Variants in PPP1R10 observed in about 807,000 individuals in gnomAD.
The protein encoded by PPP1R10 is serine/threonine-protein phosphatase 1 regulatory subunit 10.
A neutral mutation model predicts 99.0 loss-of-function variants in PPP1R10; 15 were observed. The observed-to-expected ratio is 0.15, with a 90% CI of 0.10 to 0.23. The LOEUF is 0.23. PPP1R10 is among the 10% of genes least tolerant of loss of function. The pLI is 1.00. For synonymous variants in PPP1R10, 430 were observed against 449.5 expected, an observed-to-expected ratio of 0.96 and a Z score of 0.55; for missense variants, 947 against 1,259.4, an observed-to-expected ratio of 0.75 and a Z score of 3.75.
At chr6:30,603,186 C>T in intron 17 of PPP1R10, 24 bp downstream of exon 17, 1 of 1,597,546 alleles carries the variant, frequency 6.3e-7, no homozygotes, top group Non-Finnish European at 8.6e-7. Context: ...CCCCCAGTCC[C>T]CTGGGGCTGG....
At position 30,609,949 on chromosome 6, in the gene PPP1R10, G is replaced by A. The variant is rs1338421906; in HGVS notation, c.-5C>T. 2 of 1,610,706 alleles carry A rather than the reference G, an allele frequency of 1.2e-6. No homozygotes were observed. Among genetic ancestry groups the A allele is most frequent in the African/African-American group, 2.7e-5 (2 of 74,964 alleles). ...GTCTATGGGACCCGAACCCATGATG[G>A]TGGTTTCTATGGTAAGAGGACAAAA... On this transcript the variant is annotated 5_prime_UTR_variant, in exon 3 of 20. Coordinates refer to ENST00000376511, the MANE Select transcript of PPP1R10 (RefSeq NM_002714.4). The surrounding 1 kb of genome is among the most constrained non-coding windows in gnomAD (Gnocchi z 4.5).
chr6:30,602,065 G>A lies in PPP1R10; in HGVS notation c.2584C>T (p.His862Tyr). 1.9e-6 allele frequency: 3 copies of A among 1,566,686 alleles called. No homozygotes were observed. Among genetic ancestry groups the A allele is most frequent in the East Asian group, 2.3e-5 (1 of 44,318 alleles). ...GHGGPHGHRP[H>Y]DVPGHRGHDH... Reference sequence around the variant, plus strand: ...TGGCCTCGGTGACCAGGGACATCATGAGGCCGGTGGCCATGGGGCCCCCCG... The same window carrying A: ...TGGCCTCGGTGACCAGGGACATCATAAGGCCGGTGGCCATGGGGCCCCCCG... Residue 862 changes from histidine (H) to tyrosine (Y), a missense_variant, in exon 19 of 20, where the codon CAT becomes TAT. Physicochemically the swap from His to Tyr is moderately conservative, Grantham distance 83. This residue lies in a region of PPP1R10 where 525 missense variants were observed against 578.8 expected (regional missense o/e 0.91). Transcript: ENST00000376511. This position sits in a 1 kb window ranked among gnomAD's most constrained non-coding sequence, Gnocchi z 6.7.
chr6:30,605,697 A>G (rs549381576), intron 10 of PPP1R10: 1 of 507,428 alleles, frequency 2.0e-6, no homozygotes, highest in Non-Finnish European at 3.5e-6. Flanking sequence ...CATCTCTACT[A>G]AAAATACAAA....
At position 30,609,816 on chromosome 6, in the gene PPP1R10, A is replaced by C. The variant is rs6901251; in HGVS notation, c.107+22T>G. The C allele has an allele frequency of 0.022, 34,044 of 1,581,922 alleles. 718 individuals carry two copies. The highest frequency in any genetic ancestry group is 0.11 in the African/African-American group (7,968 of 74,320). On this transcript the variant is annotated intron_variant, in intron 3 of 19. Coordinates refer to ENST00000376511, the MANE Select transcript of PPP1R10 (RefSeq NM_002714.4). This position sits in a 1 kb window ranked among gnomAD's most constrained non-coding sequence, Gnocchi z 4.5. The stretch of plus-strand genomic sequence containing the variant: ...ACAATATTCTCTACTCACAGTGAAT[A>C]CAAAAAGGGGTAAAGACTCACCTGA...
chr6:30,602,905 C>G lies in PPP1R10; in HGVS notation c.1898G>C (p.Gly633Ala), dbSNP rs770785535. ...CTGCATGCCCTTGGGGCCCCCAGGACCCCCTGGTGGGAAACCATTGGCTAT... is the reference window on the plus strand; with the variant it reads ...CTGCATGCCCTTGGGGCCCCCAGGAGCCCCTGGTGGGAAACCATTGGCTAT... ...GPIANGFPPG[G>A]PGGPKGMQHF... The change falls in exon 18 of 20, where the codon GGT (glycine) becomes GCT (alanine). Residue 633 changes from glycine (G) to alanine (A), a missense_variant. This residue lies in a region of PPP1R10 where 525 missense variants were observed against 578.8 expected (regional missense o/e 0.91). Transcript: ENST00000376511. The surrounding 1 kb of genome is among the most constrained non-coding windows in gnomAD (Gnocchi z 6.7). The G allele has an allele frequency of 2.0e-6, 3 of 1,532,442 alleles. No homozygotes were observed. Among genetic ancestry groups the G allele is most frequent in the Non-Finnish European group, 8.8e-7 (1 of 1,130,458 alleles). The allele number at this position is 1,532,442 out of a possible 1,614,324, so 94.9% of individuals were successfully genotyped here.
At chr6:30,608,459 G>A (rs1415651251) in intron 5 of PPP1R10, among the ~76,000 whole-genome samples, 1 of 152,004 alleles carries the variant, frequency 6.6e-6, no homozygotes, top group East Asian at 1.9e-4. Context: ...ATGCCACCAT[G>A]CCTGGCTAAT....
At chr6:30,603,342 A>G in intron 16 of PPP1R10, 57 bp from the exon 17 acceptor site, 2 of 1,582,008 alleles carry the variant, frequency 1.3e-6, no homozygotes, top group Non-Finnish European at 1.7e-6. Flanking sequence ...ACCATGGCGA[A>G]AGATAGCGCC....
chr6:30,615,295 T>C (rs1182826430), intron 2 of PPP1R10, among the ~76,000 whole-genome samples: 1 of 149,238 alleles, frequency 6.7e-6, no homozygotes, highest in East Asian at 1.9e-4. Flanking sequence ...CCTATTTTGA[T>C]CAGTAAGAGC....
In PPP1R10 at chr6:30,602,824, CA is replaced by C. The variant is rs1052188301; in HGVS notation, c.1957+21del. 8.4e-6 allele frequency: 13 copies of C among 1,549,428 alleles called. No individual in the cohort carries two copies. In the African/African-American group the frequency reaches 1.8e-4, roughly 21 times the overall value. On this transcript the variant is annotated intron_variant, in intron 18 of 19. Transcript: ENST00000376511. This position sits in a 1 kb window ranked among gnomAD's most constrained non-coding sequence, Gnocchi z 6.7. ...TGAAATTAAGCAGATAAGCCCATTCCAACCTTTTACTCACCACCTACCTGGC... is the reference window on the plus strand; with the variant it reads ...TGAAATTAAGCAGATAAGCCCATTCCACCTTTTACTCACCACCTACCTGGC...
chr6:30,608,189 T>C (rs1305887512), intron 5 of PPP1R10, among the ~76,000 whole-genome samples: 3 of 152,010 alleles, frequency 2.0e-5, no homozygotes, highest in African/African-American at 7.2e-5. Flanking sequence ...CAGAGTTTTA[T>C]CATTTTTGCC....
intron 10 of PPP1R10, among the ~76,000 whole-genome samples, chr6:30,605,424 A>C (rs1803827833): frequency 6.6e-6 from 1 of 152,148 alleles, no homozygotes; most frequent in East Asian, 1.9e-4. Context: ...TCTTATCTCT[A>C]AAATTACTCC....
At position 30,601,515 on chromosome 6, in the gene PPP1R10, C is replaced by CA; in HGVS notation, c.*33dup. On this transcript the variant is annotated 3_prime_UTR_variant, in exon 20 of 20. Coordinates refer to ENST00000376511, the MANE Select transcript of PPP1R10 (RefSeq NM_002714.4). Reference sequence around the variant, plus strand: ...GTGGAAAGAGCGAGGCTGCAGTCCACAGGGGTTGTGTGAACAGGGCAGGCA... The same window carrying CA: ...GTGGAAAGAGCGAGGCTGCAGTCCACAAGGGGTTGTGTGAACAGGGCAGGCA... 6.4e-7 allele frequency: 1 copy of CA among 1,573,990 alleles called. No individual in the cohort carries two copies. Among genetic ancestry groups the CA allele is most frequent in the South Asian group, 1.1e-5 (1 of 90,134 alleles).
In PPP1R10 at chr6:30,616,869, G is replaced by A. The variant is rs1003519353; in HGVS notation, c.-403C>T. The A allele has an allele frequency of 6.6e-6, 1 of 152,334 alleles. No homozygotes were observed. Among genetic ancestry groups the A allele is most frequent in the Non-Finnish European group, 1.5e-5 (1 of 68,102 alleles). 9.4% of individuals were successfully genotyped at this position (152,334 alleles called of 1,614,324 possible). ...AGGTGGGAAGGGGCAGAAGACACAA[G>A]TGGTTGGGCTGGTGGCTGCTGTTTT... is the stretch of plus-strand genomic sequence containing the variant. On this transcript the variant is annotated 5_prime_UTR_variant, in exon 2 of 20. Coordinates refer to ENST00000376511, the MANE Select transcript of PPP1R10 (RefSeq NM_002714.4).
At chr6:30,612,838 G>A (rs59272830) in intron 2 of PPP1R10, among the ~76,000 whole-genome samples, 6,760 of 152,276 alleles carry the variant, frequency 0.044, 276 homozygotes, top group African/African-American at 0.11. Context: ...GGCAAACTGA[G>A]TTGATGAAGG....
rs1760601538 is a variant in PPP1R10 at position 30,616,710 on chromosome 6, G to C, written c.-244C>G. On this transcript the variant is annotated 5_prime_UTR_variant, in exon 2 of 20. Transcript: ENST00000376511. ...AAAAGTTCTGAGTGGATTCAAAAAA[G>C]TAAACGCTGGATGAGTGAATTTGGG... is the stretch of plus-strand genomic sequence containing the variant. 6.6e-6 allele frequency: 1 copy of C among 152,158 alleles called. No homozygotes were observed. Among genetic ancestry groups the C allele is most frequent in the African/African-American group, 2.4e-5 (1 of 41,430 alleles). The allele number at this position is 152,158 out of a possible 1,614,324, so 9.4% of individuals were successfully genotyped here.
chr6:30,611,145 C>T (rs754968701), intron 2 of PPP1R10, among the ~76,000 whole-genome samples: 1 of 152,114 alleles, frequency 6.6e-6, no homozygotes, highest in East Asian at 1.9e-4. Context: ...CTCATCTCTA[C>T]AAAACATAAG....
rs1803588777 is a variant in PPP1R10 at position 30,603,490 on chromosome 6, C to T, written c.1749G>A (p.Glu583=). ...TGCGTACCATGATGGAGGTGAGGAT[C>T]TCTTGGACATTAATGCCTCCTCCTC... ...GPGGGGINVQ[E]ILTSIMGSPN... Residue 583 remains glutamate (E), a synonymous_variant, in exon 16 of 20, where the codon GAG becomes GAA. Transcript: ENST00000376511. 2 of 1,611,380 alleles carry T rather than the reference C, an allele frequency of 1.2e-6. No homozygotes were observed. The highest frequency in any genetic ancestry group is 1.7e-6 in the Non-Finnish European group (2 of 1,178,826).
intron 16 of PPP1R10, 41 bp from the exon 17 acceptor site, chr6:30,603,326 G>A: frequency 6.3e-7 from 1 of 1,591,488 alleles, no homozygotes; most frequent in South Asian, 1.1e-5. Context: ...GACAGAAAGG[G>A]TAACAACCAT....
rs147950947 is a variant in PPP1R10 at position 30,602,879 on chromosome 6, G to A, written c.1924C>T (p.His642Tyr). The change falls in exon 18 of 20, where the codon CAC becomes TAC. Residue 642 changes from histidine to tyrosine, a missense_variant. By Grantham distance (83) the His-to-Tyr change is moderately conservative (BLOSUM62 2). This residue lies in a region of PPP1R10 where 525 missense variants were observed against 578.8 expected (regional missense o/e 0.91). Coordinates refer to ENST00000376511, the MANE Select transcript of PPP1R10 (RefSeq NM_002714.4). This position sits in a 1 kb window ranked among gnomAD's most constrained non-coding sequence, Gnocchi z 6.7. Reference sequence around the variant, plus strand: ...GGTCCCCCAGGTCCAGGGGGAAAGTGCTGCATGCCCTTGGGGCCCCCAGGA... The same window carrying A: ...GGTCCCCCAGGTCCAGGGGGAAAGTACTGCATGCCCTTGGGGCCCCCAGGA... ...GGPGGPKGMQ[H>Y]FPPGPGGPMP... 1.9e-6 allele frequency: 3 copies of A among 1,556,310 alleles called. No individual in the cohort carries two copies. The African/African-American group carries it at 4.1e-5, about 21-fold the overall frequency.
Sources: allele counts gnomAD v4.1 joint callset (sites outside exome capture counted in the v4.1 genomes callset), GRCh38; gene constraint gnomAD v4.1.1; regional missense constraint gnomAD v4.1.1; non-coding constraint Gnocchi (gnomAD v3.1); transcripts MANE v1.5; gene names NCBI Gene and HGNC (gene_info 2026-07-23, HGNC 2026-07-21).